DNMT3B: variants seen among roughly 807,000 people sequenced by gnomAD.
The protein encoded by DNMT3B is DNA (cytosine-5)-methyltransferase 3B.
DNMT3B carries 37 observed loss-of-function variants against 120.2 expected under a neutral mutation model. The ratio of observed to expected loss-of-function variants is 0.31; its 90% CI spans 0.24 to 0.40. DNMT3B has a LOEUF of 0.40. Ranked by LOEUF, DNMT3B falls within the 10% of genes least tolerant of loss-of-function variation. DNMT3B has a pLI of 1.00. For missense variants in DNMT3B, 878 were observed against 1,137.3 expected (o/e 0.77, Z 3.28); for synonymous variants, 412 against 442.8 (o/e 0.93, Z 0.87).
chr20:32,777,961 CAT>C (rs1988149048), intron 1 of DNMT3B, among the ~76,000 whole-genome samples: 1 of 152,206 alleles, frequency 6.6e-6, no homozygotes, highest in African/African-American at 2.4e-5. Context: ...TATCAGCGCA[CAT>C]GTTTATAATC....
In DNMT3B at chr20:32,780,399, G is replaced by A; in HGVS notation, c.76G>A (p.Ala26Thr). 1.2e-6 allele frequency: 2 copies of A among 1,613,878 alleles called. No individual in the cohort carries two copies. The highest frequency in any genetic ancestry group is 1.7e-6 in the Non-Finnish European group (2 of 1,179,988). Residue 26 changes from alanine to threonine, a missense_variant, in exon 2 of 23, where the codon GCC (alanine) becomes ACC (threonine). Coordinates refer to ENST00000328111, the MANE Select transcript of DNMT3B (RefSeq NM_006892.4). Reference sequence around the variant, plus strand: ...GGAAGACTCGATCCTCGTCAACGGGGCCTGCAGCGACCAGTCCTCCGACTC... The same window carrying A: ...GGAAGACTCGATCCTCGTCAACGGGACCTGCAGCGACCAGTCCTCCGACTC... ...GREDSILVNG[A>T]CSDQSSDSPP...
intron 7 of DNMT3B, among the ~76,000 whole-genome samples, chr20:32,790,001 T>C (rs937995394): frequency 6.6e-6 from 1 of 152,164 alleles, no homozygotes; most frequent in Non-Finnish European, 1.5e-5. Flanking sequence ...CCTAAGGTCA[T>C]TGGGCAAGTT....
chr20:32,792,698 A>T lies in DNMT3B; in HGVS notation c.994A>T (p.Met332Leu). ...GDSLEDQLKPMLEWAHGGFKP... is the reference protein window; with the variant it reads ...GDSLEDQLKPLLEWAHGGFKP... Reference sequence around the variant, plus strand: ...CTCATTGGAGGACCAGCTGAAGCCCATGTTGGAGTGGGCCCACGGGGGCTT... The same window carrying T: ...CTCATTGGAGGACCAGCTGAAGCCCTTGTTGGAGTGGGCCCACGGGGGCTT... The change falls in exon 9 of 23, where the codon ATG becomes TTG. Residue 332 changes from methionine (M) to leucine (L), a missense_variant. Around this residue, in one of 4 missense-constraint regions of DNMT3B, gnomAD observed 207 missense variants for 222.6 expected, o/e 0.93. Coordinates refer to ENST00000328111, the MANE Select transcript of DNMT3B (RefSeq NM_006892.4). 1 of 1,614,232 alleles carries T rather than the reference A, an allele frequency of 6.2e-7. No individual in the cohort carries two copies. The highest frequency in any genetic ancestry group is 8.5e-7 in the Non-Finnish European group (1 of 1,180,038).
At chr20:32,795,291 C>G in intron 10 of DNMT3B, 118 bp from the exon 11 acceptor site, 1 of 1,506,286 alleles carries the variant, frequency 6.6e-7, no homozygotes, top group Non-Finnish European at 9.2e-7. Context: ...TCAGTGTGGA[C>G]CCCCTGTCAT....
intron 20 of DNMT3B, among the ~76,000 whole-genome samples, chr20:32,803,423 T>C (rs709046): frequency 0.98 from 149,441 of 152,286 alleles, 73,339 homozygotes; most frequent in East Asian, 1. Context: ...TTTTTGTTGG[T>C]CACCTTGCCC....
chr20:32,799,391 G>A lies in DNMT3B; in HGVS notation c.1759+63G>A. 6.4e-6 allele frequency: 10 copies of A among 1,560,666 alleles called. No homozygotes were observed. In the Admixed American group the frequency reaches 9.2e-5, roughly 14 times the overall value. ...TCACAACAGGGTAGCCAGGGAGTCA[G>A]AAGGCATGGTTAAGGTGTCTGACAT... On this transcript the variant is annotated intron_variant, in intron 16 of 22. Coordinates refer to ENST00000328111, the MANE Select transcript of DNMT3B (RefSeq NM_006892.4).
chr20:32,804,471 C>T (rs568865247), intron 20 of DNMT3B, among the ~76,000 whole-genome samples: 15 of 152,248 alleles, frequency 9.9e-5, no homozygotes, highest in African/African-American at 3.1e-4. Context: ...CTTGTAGGCA[C>T]GGTTCCCGTT....
chr20:32,802,199 A>G (rs541035758), intron 19 of DNMT3B, among the ~76,000 whole-genome samples, 186 bp from the exon 20 acceptor site: 1 of 152,250 alleles, frequency 6.6e-6, no homozygotes, highest in African/African-American at 2.4e-5. Flanking sequence ...TTTAGCTACC[A>G]TTAGCATAGT....
At chr20:32,789,112 G>C in intron 7 of DNMT3B, 100 bp downstream of exon 7, 1 of 1,535,648 alleles carries the variant, frequency 6.5e-7, no homozygotes, top group Non-Finnish European at 8.9e-7. Flanking sequence ...GCAGATGTGT[G>C]AGCCTATGCC....
intron 14 of DNMT3B, 48 bp from the exon 15 acceptor site, chr20:32,798,412 G>A: frequency 6.2e-7 from 1 of 1,611,886 alleles, no homozygotes; most frequent in Non-Finnish European, 8.5e-7. Context: ...GGTGGCACAG[G>A]AGACCAGCTC....
At chr20:32,804,442 T>G (rs1981727763) in intron 20 of DNMT3B, among the ~76,000 whole-genome samples, 1 of 152,122 alleles carries the variant, frequency 6.6e-6, no homozygotes, top group African/African-American at 2.4e-5. Context: ...AAATATGTGT[T>G]GTGATTTCCT....
intron 1 of DNMT3B, among the ~76,000 whole-genome samples, chr20:32,778,029 T>G (rs541168678): frequency 1.7e-4 from 26 of 152,284 alleles, no homozygotes; most frequent in Admixed American, 9.8e-4. Context: ...TTGTGTGTGT[T>G]AAAATGTCTT....
intron 1 of DNMT3B, among the ~76,000 whole-genome samples, chr20:32,776,471 T>TG (rs754276378): frequency 2.9e-4 from 44 of 151,944 alleles, no homozygotes; most frequent in Non-Finnish European, 1.5e-5. Flanking sequence ...AGAAAAGAGG[T>TG]GGGGGAGATT....
intron 16 of DNMT3B, 88 bp from the exon 17 acceptor site, chr20:32,800,065 G>A (rs571138941): frequency 1.3e-6 from 2 of 1,576,824 alleles, no homozygotes; most frequent in East Asian, 4.5e-5. Context: ...ATGAGGAACT[G>A]TTCATTTTAC....
At chr20:32,793,449 C>A in intron 9 of DNMT3B, 87 bp from the exon 10 acceptor site, 1 of 1,465,452 alleles carries the variant, frequency 6.8e-7, no homozygotes, top group Non-Finnish European at 9.4e-7. Flanking sequence ...GCCTGGGTGA[C>A]AGAGCAAGAC....
chr20:32,780,086 G>T (rs770099038), intron 1 of DNMT3B: 62 of 1,611,660 alleles, frequency 3.8e-5, no homozygotes, highest in Non-Finnish European at 5.1e-5. Flanking sequence ...CTGGGTGCTG[G>T]CGTCTGAGCC....
In DNMT3B at chr20:32,808,109, C is replaced by A; in HGVS notation, c.*206C>A. On this transcript the variant is annotated 3_prime_UTR_variant, in exon 23 of 23. Transcript: ENST00000328111. ...GCCGCCTCCTTGTGCACAAATCAGA[C>A]CTGGCTGCTTGGAGCAGCCTAACAC... The A allele has an allele frequency of 1.3e-6, 1 of 784,438 alleles. No individual in the cohort carries two copies. The allele number at this position is 784,438 out of a possible 1,614,324, so 48.6% of individuals were successfully genotyped here.
chr20:32,801,486 C>T (rs1981335505), intron 19 of DNMT3B, 60 bp downstream of exon 19: 1 of 1,607,054 alleles, frequency 6.2e-7, no homozygotes, highest in Admixed American at 1.7e-5. Flanking sequence ...GCGCTGCTGG[C>T]AGTGATGATT....
intron 22 of DNMT3B, 75 bp downstream of exon 22, chr20:32,806,402 C>G (rs1442865766): frequency 7.3e-7 from 1 of 1,372,076 alleles, no homozygotes; most frequent in African/African-American, 1.4e-5. Flanking sequence ...CAGGTGCTTA[C>G]CTTCATTCTT....
Sources: gnomAD v4.1 joint callset for allele counts (sites outside exome capture counted in the v4.1 genomes callset) on GRCh38, gnomAD v4.1.1 for gene constraint, gnomAD v4.1.1 regional missense constraint, MANE v1.5 for transcripts, NCBI Gene and HGNC (gene_info 2026-07-23, HGNC 2026-07-21) for gene names.